The following AMD1 variants were observed in gnomAD, a reference collection of about 807,000 sequenced individuals.
AMD1 encodes the protein adenosylmethionine decarboxylase 1.
AMD1 carries 11 observed loss-of-function variants against 40.2 expected under a neutral mutation model. That is an observed-to-expected ratio of 0.27 (90% CI 0.17 to 0.45). AMD1 has a LOEUF of 0.45. AMD1 is among the 20% of genes least tolerant of loss of function. The probability of loss-of-function intolerance (pLI) is 1.00; values close to 1 mark genes in which losing one functional copy is unlikely to be tolerated. For synonymous variants in AMD1, 121 were observed against 130.8 expected (o/e 0.93, Z 0.51); for missense variants, 257 against 410.2 (o/e 0.63, Z 3.23).
At chr6:110,880,365 C>T (rs1223735509) in intron 1 of AMD1, among the ~76,000 whole-genome samples, 2 of 152,108 alleles carry the variant, frequency 1.3e-5, no homozygotes, top group Non-Finnish European at 2.9e-5. Flanking sequence ...GAAATGTTTA[C>T]ATTTTAGGTT....
chr6:110,890,422 T>C, intron 4 of AMD1, 66 bp downstream of exon 4: 1 of 1,141,022 alleles, frequency 8.8e-7, no homozygotes, highest in Non-Finnish European at 1.3e-6. Context: ...TCAGAGATCT[T>C]TCTATATGAG....
rs768179600 is a variant in AMD1 at position 110,892,723 on chromosome 6, T to TCCC, written c.616-12_616-11insCCC. On this transcript the variant is annotated splice_polypyrimidine_tract_variant and intron_variant, in intron 6 of 8. Coordinates refer to ENST00000368885, the MANE Select transcript of AMD1 (RefSeq NM_001634.6). The stretch of plus-strand genomic sequence containing the variant: ...CAAACCCTTGTTAAACTCGGTCTTT[T>TCCC]TCCCCCCCCAGGAGAGTGGAATTCG... 8.6e-6 allele frequency: 13 copies of TCCC among 1,504,294 alleles called. No homozygotes were observed. The African/African-American group carries it at 2.1e-4, about 24-fold the overall frequency. 93.2% of individuals were successfully genotyped at this position (1,504,294 alleles called of 1,614,324 possible).
chr6:110,838,719 C>T, the AMD1 span, among the ~76,000 whole-genome samples: 1 of 151,688 alleles, frequency 6.6e-6, no homozygotes, highest in Non-Finnish European at 1.5e-5. Context: ...ATTGGTCTGG[C>T]ATGGTGGCAG....
At chr6:110,867,699 A>G in the AMD1 span, among the ~76,000 whole-genome samples, 1,761 of 152,342 alleles carry the variant, frequency 0.012, 32 homozygotes, top group African/African-American at 0.04. Context: ...ATACGAAAGC[A>G]GAATTCAAAA....
chr6:110,828,441 A>G, the AMD1 span, among the ~76,000 whole-genome samples: 4 of 151,752 alleles, frequency 2.6e-5, no homozygotes, highest in East Asian at 7.7e-4. Context: ...CTCAAAAAAA[A>G]AAGAAAGAAA....
the AMD1 span, among the ~76,000 whole-genome samples, chr6:110,843,849 A>G: frequency 6.6e-6 from 1 of 151,932 alleles, no homozygotes; most frequent in South Asian, 2.1e-4. Flanking sequence ...AGGCCTCCCA[A>G]AGTGTTGCGA....
chr6:110,849,971 G>T, the AMD1 span, among the ~76,000 whole-genome samples: 1 of 151,426 alleles, frequency 6.6e-6, no homozygotes, highest in Non-Finnish European at 1.5e-5. Context: ...GCTGCAGTGA[G>T]CTGTGATCTT....
the AMD1 span, among the ~76,000 whole-genome samples, chr6:110,820,679 A>G: frequency 2.6e-5 from 4 of 152,116 alleles, no homozygotes; most frequent in African/African-American, 9.6e-5. Flanking sequence ...AGGTGGGCAG[A>G]TCACTTGAAG....
chr6:110,892,816 A>C lies in AMD1; in HGVS notation c.697A>C (p.Met233Leu), dbSNP rs772036313. The C allele has an allele frequency of 1.2e-6, 2 of 1,614,144 alleles. No individual in the cohort carries two copies. The highest frequency in any genetic ancestry group is 1.7e-6 in the Non-Finnish European group (2 of 1,179,990). The change falls in exon 7 of 9, where the codon ATG becomes CTG. Residue 233 changes from methionine (M) to leucine (L), a missense_variant. By Grantham distance (15) the Met-to-Leu change is conservative (BLOSUM62 2). This residue lies in a region of AMD1 where 192 missense variants were observed against 296.5 expected (regional missense o/e 0.65). Transcript: ENST00000368885. ...FNPCGYSMNG[M>L]KSDGTYWTIH... is the part of the protein sequence containing the mutation. ...TCCTTGTGGGTATTCGATGAATGGA[A>C]TGAAATCGGATGTGAGTAGTTATAT...
intron 4 of AMD1, 54 bp downstream of exon 4, chr6:110,890,410 C>A: frequency 8.1e-7 from 1 of 1,240,202 alleles, no homozygotes; most frequent in Non-Finnish European, 1.2e-6. Flanking sequence ...GAAAGTGCAA[C>A]CTCAGAGATC....
chr6:110,820,730 C>G, the AMD1 span, among the ~76,000 whole-genome samples: 3,532 of 151,978 alleles, frequency 0.023, 123 homozygotes, highest in African/African-American at 0.082. Context: ...GGTGAAACCC[C>G]CATCTTTACT....
At chr6:110,858,724 C>A in the AMD1 span, 1 of 787,898 alleles carries the variant, frequency 1.3e-6, no homozygotes, top group Non-Finnish European at 2.3e-6. Context: ...TGAAGGCTGG[C>A]CAGTGCACCA....
chr6:110,870,291 C>G (rs12199798), upstream of AMD1, among the ~76,000 whole-genome samples: 5,521 of 152,250 alleles, frequency 0.036, 129 homozygotes, highest in Middle Eastern at 0.071. Context: ...TTCTCAGAAA[C>G]AGTAGGAAGC....
intron 1 of AMD1, among the ~76,000 whole-genome samples, chr6:110,883,007 C>T (rs1232343942): frequency 6.6e-6 from 1 of 152,020 alleles, no homozygotes; most frequent in Non-Finnish European, 1.5e-5. Context: ...CCCTGTGGTC[C>T]CAGCTACTTG....
At chr6:110,843,726 C>T in the AMD1 span, among the ~76,000 whole-genome samples, 7 of 152,022 alleles carry the variant, frequency 4.6e-5, no homozygotes, top group Admixed American at 3.3e-4. Flanking sequence ...TAGCAGACTA[C>T]AGGCGTGCAC....
the AMD1 span, among the ~76,000 whole-genome samples, chr6:110,829,786 C>T: frequency 3.3e-5 from 5 of 151,948 alleles, no homozygotes; most frequent in African/African-American, 4.8e-5. Flanking sequence ...GTTGAGGCTA[C>T]GGTGAGTCAT....
chr6:110,877,667 G>A (rs1785188875), intron 1 of AMD1, among the ~76,000 whole-genome samples: 1 of 152,236 alleles, frequency 6.6e-6, no homozygotes, highest in African/African-American at 2.4e-5. Flanking sequence ...CATGGAAGTT[G>A]TGAAGAATAA....
At chr6:110,851,037 C>G in the AMD1 span, among the ~76,000 whole-genome samples, 1 of 152,066 alleles carries the variant, frequency 6.6e-6, no homozygotes, top group Non-Finnish European at 1.5e-5. Context: ...AATCTTGGTT[C>G]ACTGCAACCT....
the AMD1 span, among the ~76,000 whole-genome samples, chr6:110,843,234 G>A: frequency 4.6e-5 from 7 of 152,016 alleles, no homozygotes; most frequent in East Asian, 1.9e-4. Context: ...AGGCCTGGGC[G>A]GGCGGATCCC....
Sources: gnomAD v4.1 joint callset for allele counts (sites outside exome capture counted in the v4.1 genomes callset) on GRCh38, gnomAD v4.1.1 for gene constraint, gnomAD v4.1.1 regional missense constraint, MANE v1.5 for transcripts, NCBI Gene and HGNC (gene_info 2026-07-23, HGNC 2026-07-21) for gene names.